The following PTPRD variants were observed in gnomAD, a reference collection of about 807,000 sequenced individuals.
The protein encoded by PTPRD is protein tyrosine phosphatase receptor type D, also known as receptor-type tyrosine-protein phosphatase delta.
Under a neutral mutation model 214.5 loss-of-function variants are expected in PTPRD, and 34 were observed. That is an observed-to-expected ratio of 0.16 (90% CI 0.12 to 0.21). PTPRD has a LOEUF of 0.21. Ranked by LOEUF, PTPRD falls within the 10% of genes least tolerant of loss-of-function variation. The probability of loss-of-function intolerance (pLI) is 1.00; values close to 1 mark genes in which losing one functional copy is unlikely to be tolerated. For missense variants in PTPRD, 2,545 were observed against 2,398.7 expected (o/e 1.06, Z -1.27); for synonymous variants, 1,128 against 845.7 (o/e 1.33, Z -5.79).
chr9:10,230,695 G>T (rs1288593248), intron 3 of PTPRD, among the ~76,000 whole-genome samples: 2 of 151,866 alleles, frequency 1.3e-5, no homozygotes, highest in African/African-American at 4.8e-5. Flanking sequence ...TTTTTTGCTT[G>T]TTCATCTTTG....
At chr9:9,050,017 G>A (rs1338141438) in intron 10 of PTPRD, among the ~76,000 whole-genome samples, 1 of 152,180 alleles carries the variant, frequency 6.6e-6, no homozygotes, top group East Asian at 1.9e-4. Context: ...ACACTGAACT[G>A]GGAGCAGAAG....
intron 2 of PTPRD, among the ~76,000 whole-genome samples, chr9:10,595,033 T>C (rs1419586138): frequency 6.6e-6 from 1 of 151,914 alleles, no homozygotes; most frequent in African/African-American, 2.4e-5. Flanking sequence ...TAACTATTTA[T>C]AGGCGATAAT....
At chr9:8,814,497 C>A (rs2096880995) in intron 11 of PTPRD, among the ~76,000 whole-genome samples, 1 of 152,076 alleles carries the variant, frequency 6.6e-6, no homozygotes, top group Non-Finnish European at 1.5e-5. Context: ...AGGGTGAGGT[C>A]AACAGCACCA....
rs2098688494 is a variant in PTPRD, at chr9:8,733,879, G to C, written c.-36C>G. 1 of 1,546,676 alleles carries C rather than the reference G, an allele frequency of 6.5e-7. No individual in the cohort carries two copies. The highest frequency in any genetic ancestry group is 8.7e-7 in the Non-Finnish European group (1 of 1,145,372). On this transcript the variant is annotated 5_prime_UTR_variant, in exon 12 of 46. Coordinates refer to ENST00000381196, the MANE Select transcript of PTPRD (RefSeq NM_002839.4). Reference sequence around the variant, plus strand: ...GGCAGCAGCGTGCGCGAGCAGCTTGGAATCACTGCCTCCGGAGCCGCAGCG... The same window carrying C: ...GGCAGCAGCGTGCGCGAGCAGCTTGCAATCACTGCCTCCGGAGCCGCAGCG...
intron 4 of PTPRD, among the ~76,000 whole-genome samples, chr9:10,004,684 A>G (rs2096429249): frequency 6.6e-6 from 1 of 152,028 alleles, no homozygotes; most frequent in African/African-American, 2.4e-5. Flanking sequence ...AGATAATTCT[A>G]TTTTTAAAAT....
At chr9:9,738,074 G>A (rs2382051) in intron 6 of PTPRD, among the ~76,000 whole-genome samples, 10,343 of 151,936 alleles carry the variant, frequency 0.068, 1,042 homozygotes, top group African/African-American at 0.23. Context: ...GACACAGGAA[G>A]GGGAACATCA....
At position 8,411,973 on chromosome 9, in the gene PTPRD, A is replaced by G. The variant is rs139623719; in HGVS notation, c.4087-7313T>C. On this transcript the variant is annotated intron_variant, in intron 35 of 45. Coordinates refer to ENST00000381196, the MANE Select transcript of PTPRD (RefSeq NM_002839.4). ...AAGAATTTCCAGGCAGTTTGGGGCA[A>G]GCAAATGTATTAGAAAGTTATTAAA... Among the ~76,000 whole-genome samples the G allele has an allele frequency of 3.7e-3, 563 of 152,356 alleles. 2 individuals are homozygous for G. The highest frequency in any genetic ancestry group is 0.013 in the African/African-American group (540 of 41,586).
chr9:10,600,979 T>G (rs2077818060), intron 2 of PTPRD, among the ~76,000 whole-genome samples: 1 of 151,824 alleles, frequency 6.6e-6, no homozygotes, highest in Non-Finnish European at 1.5e-5. Context: ...TTATTCAATT[T>G]AAACTTCAAG....
chr9:8,841,634 CCCTA>C (rs2097559607), intron 11 of PTPRD, among the ~76,000 whole-genome samples: 3 of 152,130 alleles, frequency 2.0e-5, no homozygotes, highest in South Asian at 4.2e-4. Flanking sequence ...CTTTAAAAAC[CCCTA>C]CCTTTCAGAA....
chr9:9,980,402 G>C (rs2095498632), intron 4 of PTPRD, among the ~76,000 whole-genome samples: 1 of 151,812 alleles, frequency 6.6e-6, no homozygotes, highest in African/African-American at 2.4e-5. Flanking sequence ...GAGGTCAGGA[G>C]TTCAAGACCA....
At chr9:10,472,158 C>A (rs1198270653) in intron 2 of PTPRD, among the ~76,000 whole-genome samples, 1 of 151,956 alleles carries the variant, frequency 6.6e-6, no homozygotes, top group Non-Finnish European at 1.5e-5. Context: ...AACTATTTGT[C>A]CAAGTCCTTA....
At chr9:9,886,328 G>C (rs910903612) in intron 5 of PTPRD, among the ~76,000 whole-genome samples, 1 of 152,162 alleles carries the variant, frequency 6.6e-6, no homozygotes, top group Non-Finnish European at 1.5e-5. Context: ...TAATTCACGG[G>C]CATTTACATA....
At position 10,059,252 on chromosome 9, in the gene PTPRD, C is replaced by G. The variant is rs191611542; in HGVS notation, c.-544-25462G>C. ...GACATGTTCTTCACATACTCCTGCT[C>G]AGCAGTTCAGCCAATATTTACAACT... is the stretch of plus-strand genomic sequence containing the variant. On this transcript the variant is annotated intron_variant, in intron 3 of 45. Coordinates refer to ENST00000381196, the MANE Select transcript of PTPRD (RefSeq NM_002839.4). 1.6e-3 allele frequency among the ~76,000 whole-genome samples: 238 copies of G among 152,260 alleles called. 1 individual carries two copies. The highest frequency in any genetic ancestry group is 5.7e-3 in the Admixed American group (87 of 15,282).
chr9:10,595,021 A>AATG (rs3076473), intron 2 of PTPRD, among the ~76,000 whole-genome samples: 137,295 of 151,748 alleles, frequency 0.9, 62,601 homozygotes, highest in Middle Eastern at 0.97. Context: ...TAATTATTCA[A>AATG]ATAACTATTT....
chr9:9,311,833 C>G (rs568799418), intron 9 of PTPRD, among the ~76,000 whole-genome samples: 8 of 152,256 alleles, frequency 5.3e-5, no homozygotes, highest in African/African-American at 1.7e-4. Flanking sequence ...TTTTCATTGA[C>G]TGTATCCTAG....
chr9:9,938,276 C>T (rs915480044), intron 5 of PTPRD, among the ~76,000 whole-genome samples: 4 of 152,184 alleles, frequency 2.6e-5, no homozygotes, highest in African/African-American at 9.7e-5. Flanking sequence ...GAAATCCATT[C>T]ATAGTTACCT....
chr9:8,952,231 A>C (rs984647394), intron 11 of PTPRD, among the ~76,000 whole-genome samples: 29 of 151,968 alleles, frequency 1.9e-4, no homozygotes, highest in Admixed American at 9.2e-4. Flanking sequence ...CCTCTAATAG[A>C]TATTTGTTGA....
intron 3 of PTPRD, among the ~76,000 whole-genome samples, chr9:10,089,818 A>C (rs2098407278): frequency 6.6e-6 from 1 of 151,684 alleles, no homozygotes; most frequent in South Asian, 2.1e-4. Context: ...GGGCAACCAG[A>C]AAACTTGTAA....
intron 3 of PTPRD, among the ~76,000 whole-genome samples, chr9:10,322,978 C>A (rs1047970764): frequency 6.6e-6 from 1 of 151,868 alleles, no homozygotes; most frequent in African/African-American, 2.4e-5. Flanking sequence ...GATACAGATT[C>A]TATTAAAATT....
Sources: gnomAD v4.1 joint callset for allele counts (sites outside exome capture counted in the v4.1 genomes callset) on GRCh38, gnomAD v4.1.1 for gene constraint, MANE v1.5 for transcripts, NCBI Gene and HGNC (gene_info 2026-07-23, HGNC 2026-07-21) for gene names.